Variants in PCDHA9 observed in about 807,000 individuals in gnomAD.
The protein encoded by PCDHA9 is protocadherin alpha-9.
A neutral mutation model predicts 62.0 loss-of-function variants in PCDHA9; 62 were observed. The observed-to-expected ratio is 1.00, with a 90% CI of 0.81 to 1.23. The LOEUF is 1.23. Among genes scored for constraint, PCDHA9 ranks in the 50% most tolerant of loss-of-function variants. The pLI is 0.00. For synonymous variants in PCDHA9, 557 were observed against 567.6 expected, an observed-to-expected ratio of 0.98 and a Z score of 0.27; for missense variants, 1,205 against 1,249.8, an observed-to-expected ratio of 0.96 and a Z score of 0.54.
At chr5:140,944,823 C>T (rs1246814273) in intron 1 of PCDHA9, among the ~76,000 whole-genome samples, 1 of 152,148 alleles carries the variant, frequency 6.6e-6, no homozygotes, top group Non-Finnish European at 1.5e-5. Context: ...ATCTTTGCCC[C>T]ATAATTGTAA....
In PCDHA9 at chr5:140,849,848, C is replaced by T. The variant is rs1554143388; in HGVS notation, c.1353C>T (p.Asn451=). ...TGGAGGTGGCCGACGTGAACGACAACGCACCAGCGTTCGCGCAGTCCGAGT... is the reference window on the plus strand; with the variant it reads ...TGGAGGTGGCCGACGTGAACGACAATGCACCAGCGTTCGCGCAGTCCGAGT... ...VSVEVADVND[N]APAFAQSEYT... The change falls in exon 1 of 4, where the codon AAC becomes AAT. Residue 451 remains asparagine (N), a synonymous_variant. Transcript: ENST00000532602. 10 of 1,598,544 alleles carry T rather than the reference C, an allele frequency of 6.3e-6. No individual in the cohort carries two copies. Among genetic ancestry groups the T allele is most frequent in the African/African-American group, 4.0e-5 (3 of 74,516 alleles).
intron 1 of PCDHA9, chr5:140,852,529 G>T: frequency 2.4e-6 from 1 of 416,580 alleles, no homozygotes. Context: ...TCCCACCTCG[G>T]CCTCCCAAAG....
At chr5:140,916,296 G>C (rs2077516868) in intron 1 of PCDHA9, among the ~76,000 whole-genome samples, 1 of 152,094 alleles carries the variant, frequency 6.6e-6, no homozygotes, top group Admixed American at 6.5e-5. Flanking sequence ...TGGCCAAACT[G>C]GTACCAAAGG....
chr5:140,915,262 T>G (rs539637990), intron 1 of PCDHA9, among the ~76,000 whole-genome samples: 1 of 152,290 alleles, frequency 6.6e-6, no homozygotes, highest in Admixed American at 6.5e-5. Context: ...GTTATTATTT[T>G]TGACCAGTTC....
Position 140,850,643 on chromosome 5 carries a change from G to T in PCDHA9, c.2148G>T (p.Leu716=). The T allele has an allele frequency of 6.3e-7, 1 of 1,598,690 alleles. No homozygotes were observed. Among genetic ancestry groups the T allele is most frequent in the Non-Finnish European group, 8.6e-7 (1 of 1,167,908 alleles). ...AVSSLLVLTL[L]LYTVLRCSAM... is the part of the protein sequence containing the mutation. ...CTAGCCTGTTGGTTCTCACGCTGCT[G>T]CTGTACACTGTGCTGCGGTGCTCGG... The change falls in exon 1 of 4, where the codon CTG becomes CTT. Residue 716 remains leucine, a synonymous_variant. Transcript: ENST00000532602.
intron 1 of PCDHA9, among the ~76,000 whole-genome samples, chr5:140,938,890 C>T (rs979482011): frequency 5.9e-5 from 9 of 152,080 alleles, no homozygotes; most frequent in Non-Finnish European, 8.8e-5. Flanking sequence ...CACACACACA[C>T]AGATGCGCAC....
intron 1 of PCDHA9, among the ~76,000 whole-genome samples, chr5:140,901,280 T>G (rs1554189719): frequency 1.3e-5 from 2 of 152,132 alleles, no homozygotes. Context: ...CTCAAGAAAT[T>G]TTTGCCCAGA....
At chr5:140,881,185 A>G (rs893291095) in intron 1 of PCDHA9, 7 of 166,796 alleles carry the variant, frequency 4.2e-5, no homozygotes, top group African/African-American at 1.7e-4. Flanking sequence ...CTTGCTAAAG[A>G]TATGTTAACA....
chr5:140,943,270 AAAAAAAAG>A (rs1301290983), intron 1 of PCDHA9, among the ~76,000 whole-genome samples: 4 of 150,618 alleles, frequency 2.7e-5, no homozygotes, highest in African/African-American at 4.9e-5. Context: ...AAAAAAAAAA[AAAAAAAAG>A]AAAGAAAGAA....
intron 1 of PCDHA9, among the ~76,000 whole-genome samples, chr5:140,941,193 T>TC (rs1554213826): frequency 4.3e-5 from 5 of 116,722 alleles, no homozygotes; most frequent in African/African-American, 1.7e-4. Flanking sequence ...TTCTTTTTTT[T>TC]TCTTTCTTCC....
intron 1 of PCDHA9, among the ~76,000 whole-genome samples, chr5:140,954,134 A>G (rs1443838127): frequency 6.6e-6 from 1 of 152,194 alleles, no homozygotes; most frequent in Non-Finnish European, 1.5e-5. Flanking sequence ...TTATGGATGC[A>G]TAGTATTCCA....
chr5:140,929,722 T>G (rs558208996), intron 1 of PCDHA9: 1 of 221,696 alleles, frequency 4.5e-6, no homozygotes, highest in Non-Finnish European at 9.4e-6. Flanking sequence ...AGGTGAAACA[T>G]TTACTTAAAC....
rs1554204518 is a variant in PCDHA9 at position 140,927,427 on chromosome 5, G to A, written c.2395-51522G>A. Reference sequence around the variant, plus strand: ...CCTGGACATGGGATCGCGGGTTGACGGCAGCGAATACCCGGAGTTGGTGTT... The same window carrying A: ...CCTGGACATGGGATCGCGGGTTGACAGCAGCGAATACCCGGAGTTGGTGTT... On this transcript the variant is annotated intron_variant, in intron 1 of 3. Transcript: ENST00000532602. 1.2e-6 allele frequency: 2 copies of A among 1,614,114 alleles called. No homozygotes were observed. Among genetic ancestry groups the A allele is most frequent in the Non-Finnish European group, 1.7e-6 (2 of 1,179,974 alleles).
chr5:140,968,373 C>T (rs1554230649), intron 1 of PCDHA9: 1 of 1,614,034 alleles, frequency 6.2e-7, no homozygotes, highest in African/African-American at 1.3e-5. Context: ...GCTGTCAACT[C>T]CTTTGACTAT....
At chr5:140,883,626 C>A (rs782798960) in intron 1 of PCDHA9, 2 of 1,613,968 alleles carry the variant, frequency 1.2e-6, no homozygotes, top group Non-Finnish European at 1.7e-6. Flanking sequence ...GACAACGCGC[C>A]GGCGTTCGCG....
chr5:140,914,052 G>T (rs1485469381), intron 1 of PCDHA9, among the ~76,000 whole-genome samples: 1 of 152,172 alleles, frequency 6.6e-6, no homozygotes, highest in East Asian at 1.9e-4. Flanking sequence ...TTCTGCAGCT[G>T]TTGGATGAAA....
intron 1 of PCDHA9, among the ~76,000 whole-genome samples, chr5:140,918,473 T>A (rs1385942505): frequency 6.6e-6 from 1 of 152,166 alleles, no homozygotes; most frequent in African/African-American, 2.4e-5. Context: ...ATTCCAAGTC[T>A]CAAGGGGAAT....
chr5:140,928,223 A>G (rs2085050678), intron 1 of PCDHA9: 1 of 1,614,178 alleles, frequency 6.2e-7, no homozygotes. Flanking sequence ...AATACACCAA[A>G]CTTTCCTCAA....
intron 1 of PCDHA9, among the ~76,000 whole-genome samples, chr5:140,924,578 T>C (rs80037494): frequency 0.013 from 2,025 of 152,202 alleles, 55 homozygotes; most frequent in Admixed American, 0.052. Flanking sequence ...TTAAATGTTT[T>C]CAAATATTAT....
Sources: allele counts gnomAD v4.1 joint callset (sites outside exome capture counted in the v4.1 genomes callset), GRCh38; gene constraint gnomAD v4.1.1; transcripts MANE v1.5; gene names NCBI Gene and HGNC (gene_info 2026-07-23, HGNC 2026-07-21).